The following DCLK1 variants were observed in gnomAD, a reference collection of about 807,000 sequenced individuals.
DCLK1 encodes the protein doublecortin like kinase 1.
DCLK1 carries 16 observed loss-of-function variants against 86.2 expected under a neutral mutation model. The observed-to-expected ratio is 0.19, with a 90% CI of 0.13 to 0.28. The LOEUF is 0.28. Among genes scored for constraint, DCLK1 ranks in the 10% least tolerant of loss-of-function variants. DCLK1 has a pLI of 1.00. For synonymous variants in DCLK1, 369 were observed against 370.5 expected (o/e 1.00, Z 0.05); for missense variants, 590 against 940.2 (o/e 0.63, Z 4.87).
chr13:36,108,491 G>A (rs1656926952), intron 3 of DCLK1, among the ~76,000 whole-genome samples: 2 of 152,198 alleles, frequency 1.3e-5, no homozygotes, highest in South Asian at 4.1e-4. Flanking sequence ...AGAAACAAGT[G>A]AGAACAGCAT....
At chr13:36,130,163 T>A (rs185421624) in intron 1 of DCLK1, among the ~76,000 whole-genome samples, 125 of 152,202 alleles carry the variant, frequency 8.2e-4, no homozygotes, top group African/African-American at 2.9e-3. Flanking sequence ...CTATATGACC[T>A]CTCTTAAAAA....
intron 6 of DCLK1, among the ~76,000 whole-genome samples, chr13:35,853,511 GCAGCCTAAAGA>G (rs1296531837): frequency 6.6e-6 from 1 of 152,192 alleles, no homozygotes; most frequent in Non-Finnish European, 1.5e-5. Context: ...TAGACGTCTG[GCAGCCTAAAGA>G]CACAACCTGT....
chr13:36,088,748 T>C (rs1186656819), intron 3 of DCLK1, among the ~76,000 whole-genome samples: 2 of 152,162 alleles, frequency 1.3e-5, no homozygotes, highest in Admixed American at 1.3e-4. Context: ...TAGAAAAAGA[T>C]CTATCTCTCT....
chr13:35,894,151 A>C (rs1278493043), intron 4 of DCLK1, among the ~76,000 whole-genome samples: 13 of 152,160 alleles, frequency 8.5e-5, no homozygotes, highest in Admixed American at 2.6e-4. Flanking sequence ...CAAAAAAAAA[A>C]CAACCAAACC....
chr13:36,056,893 C>CA (rs766434117), intron 3 of DCLK1, among the ~76,000 whole-genome samples: 22,097 of 100,726 alleles, frequency 0.22, 2,581 homozygotes, highest in East Asian at 0.66. Flanking sequence ...AAGACTGTGA[C>CA]AAAAAAAAAA....
At chr13:35,925,957 T>G (rs546268511) in intron 4 of DCLK1, among the ~76,000 whole-genome samples, 1 of 152,330 alleles carries the variant, frequency 6.6e-6, no homozygotes, top group East Asian at 1.9e-4. Context: ...AACCCGTAGT[T>G]TGCAGTTTGT....
At chr13:36,085,577 T>A (rs1884562815) in intron 3 of DCLK1, among the ~76,000 whole-genome samples, 1 of 152,180 alleles carries the variant, frequency 6.6e-6, no homozygotes, top group Non-Finnish European at 1.5e-5. Context: ...ACTGCTCATG[T>A]TTGCAGTAAT....
chr13:35,897,078 G>A (rs747829706), intron 4 of DCLK1, among the ~76,000 whole-genome samples: 13 of 152,022 alleles, frequency 8.6e-5, no homozygotes, highest in Non-Finnish European at 1.5e-4. Flanking sequence ...CTTCATTATC[G>A]GGCCATTGAA....
intron 15 of DCLK1, among the ~76,000 whole-genome samples, chr13:35,803,652 T>C (rs4943338): frequency 1.6e-4 from 25 of 152,328 alleles, no homozygotes; most frequent in Admixed American, 7.2e-4. Flanking sequence ...TCCCCCCATA[T>C]GTAGTCACCT....
chr13:36,009,751 A>G (rs894579347), intron 3 of DCLK1, among the ~76,000 whole-genome samples: 1 of 120,486 alleles, frequency 8.3e-6, no homozygotes, highest in Non-Finnish European at 1.7e-5. Context: ...GTTTTTTCCA[A>G]TTCTGTGAGG....
At chr13:36,004,588 G>GTTGTT (rs767176988) in intron 3 of DCLK1, among the ~76,000 whole-genome samples, 10 of 152,102 alleles carry the variant, frequency 6.6e-5, no homozygotes, top group Admixed American at 2.0e-4. Flanking sequence ...TGTTGTTGTT[G>GTTGTT]TTGTTTTGTT....
At chr13:35,893,355 C>A (rs1613065) in intron 4 of DCLK1, among the ~76,000 whole-genome samples, 10 of 152,218 alleles carry the variant, frequency 6.6e-5, no homozygotes, top group Admixed American at 5.2e-4. Flanking sequence ...AGAATAAAAC[C>A]CCGTTTCTAT....
intron 2 of DCLK1, among the ~76,000 whole-genome samples, chr13:36,120,497 G>C (rs1885947993): frequency 6.6e-6 from 1 of 152,130 alleles, no homozygotes; most frequent in Admixed American, 6.5e-5. Flanking sequence ...AGGTGTGGAG[G>C]AGGCTACACC....
intron 3 of DCLK1, among the ~76,000 whole-genome samples, chr13:36,092,486 T>C (rs1441477166): frequency 1.5e-5 from 1 of 65,370 alleles, no homozygotes; most frequent in African/African-American, 6.4e-5. Flanking sequence ...GCGTTTTCTT[T>C]TTTTTTTTTT....
chr13:35,792,199 T>A (rs372021499), intron 16 of DCLK1, among the ~76,000 whole-genome samples: 1 of 152,234 alleles, frequency 6.6e-6, no homozygotes, highest in Non-Finnish European at 1.5e-5. Flanking sequence ...CTCACACGCA[T>A]GTAAATCACT....
intron 6 of DCLK1, chr13:35,846,501 A>G (rs1174392012): frequency 1.0e-6 from 1 of 985,236 alleles, no homozygotes; most frequent in Non-Finnish European, 1.2e-6. Flanking sequence ...ACTAAAATGA[A>G]CCACATTTTA....
At position 36,090,343 on chromosome 13, in the gene DCLK1, T is replaced by A. The variant is rs564936332; in HGVS notation, c.723+21526A>T. ...AATACCCCCGAGGAGCCCTTCTTCT[T>A]AGAGGAGTCATTGAAAAGATCAGCT... On this transcript the variant is annotated intron_variant, in intron 3 of 16. Coordinates refer to ENST00000360631, the MANE Select transcript of DCLK1 (RefSeq NM_001330071.2). Among the ~76,000 whole-genome samples, 144 of 152,226 alleles carry A rather than the reference T, an allele frequency of 9.5e-4. 1 individual carries two copies. The highest frequency in any genetic ancestry group is 3.4e-3 in the African/African-American group (141 of 41,522).
At chr13:36,062,399 G>A (rs1174196147) in intron 3 of DCLK1, among the ~76,000 whole-genome samples, 1 of 152,096 alleles carries the variant, frequency 6.6e-6, no homozygotes. Flanking sequence ...TTTATTGTCA[G>A]TGTTGAGAAC....
intron 2 of DCLK1, among the ~76,000 whole-genome samples, chr13:36,120,488 G>A (rs1885947570): frequency 2.6e-5 from 4 of 152,222 alleles, no homozygotes; most frequent in South Asian, 2.1e-4. Flanking sequence ...ATATAGCCTA[G>A]GTGTGGAGGA....
Sources: gnomAD v4.1 joint callset for allele counts (sites outside exome capture counted in the v4.1 genomes callset) on GRCh38, gnomAD v4.1.1 for gene constraint, MANE v1.5 for transcripts, NCBI Gene and HGNC (gene_info 2026-07-23, HGNC 2026-07-21) for gene names.